Variants in IL4I1 observed in about 807,000 individuals in gnomAD.
The protein encoded by IL4I1 is L-amino-acid oxidase.
IL4I1 carries 24 observed loss-of-function variants against 29.7 expected under a neutral mutation model. The observed-to-expected ratio is 0.81, with a 90% CI of 0.59 to 1.14. The LOEUF (loss-of-function observed/expected upper bound fraction) is 1.14, where lower values mean the gene tolerates loss of function less well. Among genes scored for constraint, IL4I1 ranks in the 50% most tolerant of loss-of-function variants. IL4I1 has a pLI of 0.00. For synonymous variants in IL4I1, 371 were observed against 352.5 expected (o/e 1.05, Z -0.59); for missense variants, 686 against 785.6 (o/e 0.87, Z 1.52).
At chr19:49,910,762 T>C (rs889261686) in intron 2 of IL4I1, among the ~76,000 whole-genome samples, 2 of 152,060 alleles carry the variant, frequency 1.3e-5, no homozygotes, top group Non-Finnish European at 2.9e-5. Flanking sequence ...AGAAGACCCA[T>C]GGGCCACAGT....
At chr19:49,890,928 T>TGGGGGGGGGGGGGGGGGGG in intron 7 of IL4I1, 43 bp downstream of exon 7, 1 of 633,196 alleles carries the variant, frequency 1.6e-6, no homozygotes, top group Non-Finnish European at 2.4e-6. Context: ...TTTCCCTGAT[T>TGGGGGGGGGGGGGGGGGGG]GCCCCCCGCC....
chr19:49,901,673 C>T (rs753698377), upstream of IL4I1: 3 of 1,540,294 alleles, frequency 1.9e-6, no homozygotes, highest in South Asian at 3.7e-5. Context: ...TCTCAGCACC[C>T]ATGGCCTTTA....
At chr19:49,907,932 A>C in intron 2 of IL4I1, 1 of 500,084 alleles carries the variant, frequency 2.0e-6, no homozygotes. Flanking sequence ...GACCAAGACC[A>C]TCAGCACTTC....
rs1482872980 is a variant in IL4I1 at position 49,895,903 on chromosome 19, C to T, written c.164G>A (p.Arg55Gln). 6 of 1,614,064 alleles carry T rather than the reference C, an allele frequency of 3.7e-6. No homozygotes were observed. Among genetic ancestry groups the T allele is most frequent in the East Asian group, 4.5e-5 (2 of 44,902 alleles). The change falls in exon 3 of 8, where the codon CGG becomes CAG. Residue 55 changes from arginine (R) to glutamine (Q), a missense_variant. Transcript: ENST00000391826. ...AATCACCCTCTGGGGCTTCAGGGTCCGATTGAGCCCCCAGGTCACCACCTT... is the reference window on the plus strand; with the variant it reads ...AATCACCCTCTGGGGCTTCAGGGTCTGATTGAGCCCCCAGGTCACCACCTT... ...LLKVVTWGLN[R>Q]TLKPQRVIVV...
chr19:49,910,503 C>T (rs1480623149), intron 2 of IL4I1, among the ~76,000 whole-genome samples: 1 of 152,158 alleles, frequency 6.6e-6, no homozygotes, highest in Non-Finnish European at 1.5e-5. Context: ...GCACAGATGC[C>T]CCTGGCTGCA....
At chr19:49,922,949 C>G (rs2075799239) in intron 2 of IL4I1, among the ~76,000 whole-genome samples, 1 of 152,150 alleles carries the variant, frequency 6.6e-6, no homozygotes, top group East Asian at 1.9e-4. Context: ...ATGATTGTGC[C>G]CATTTTACTG....
At chr19:49,901,767 C>G, upstream of IL4I1, 1 of 1,375,974 alleles carries the variant, frequency 7.3e-7, no homozygotes, top group Non-Finnish European at 9.8e-7. Context: ...TAGTGGTGCC[C>G]TTGTTAGATC....
chr19:49,928,757 G>C (rs2075977711), intron 1 of IL4I1: 1 of 152,268 alleles, frequency 6.6e-6, no homozygotes. Context: ...GTTTCTCAGA[G>C]TCAGCAGCTG....
upstream of IL4I1, among the ~76,000 whole-genome samples, chr19:49,901,338 C>T (rs1169768256): frequency 2.0e-5 from 3 of 152,298 alleles, no homozygotes; most frequent in African/African-American, 2.4e-5. Context: ...GAGCCGAGAC[C>T]GCGCCATTCC....
At chr19:49,900,737 A>G (rs1332858395), upstream of IL4I1, among the ~76,000 whole-genome samples, 1 of 151,912 alleles carries the variant, frequency 6.6e-6, no homozygotes, top group Non-Finnish European at 1.5e-5. Flanking sequence ...GGAGGGGAGG[A>G]AAGGCCCAGT....
At chr19:49,894,200 C>G in intron 5 of IL4I1, 68 bp downstream of exon 5, 2 of 1,483,294 alleles carry the variant, frequency 1.3e-6, no homozygotes, top group Admixed American at 1.9e-5. Context: ...GAAGAAAAGC[C>G]GGGCCGGGGC....
chr19:49,907,561 G>C (rs2075351535), intron 2 of IL4I1: 3 of 379,492 alleles, frequency 7.9e-6, no homozygotes, highest in Non-Finnish European at 4.9e-6. Flanking sequence ...TTTTTTTTGA[G>C]ACAGAGTCTC....
intron 3 of IL4I1, among the ~76,000 whole-genome samples, chr19:49,903,580 G>T (rs1382960490): frequency 6.6e-6 from 1 of 152,202 alleles, no homozygotes; most frequent in African/African-American, 2.4e-5. Flanking sequence ...CCGCTGCCCT[G>T]AGTCTGAGGG....
At chr19:49,909,370 G>A in intron 2 of IL4I1, 2 of 1,613,590 alleles carry the variant, frequency 1.2e-6, no homozygotes, top group Non-Finnish European at 1.7e-6. Context: ...CCACAGAGGT[G>A]GTGGAGGGGC....
intron 2 of IL4I1, among the ~76,000 whole-genome samples, chr19:49,916,321 A>G (rs1394852844): frequency 6.6e-6 from 1 of 151,052 alleles, no homozygotes; most frequent in Middle Eastern, 3.2e-3. Context: ...CAGGAGTTCG[A>G]GACTAGCCTG....
chr19:49,908,715 G>C (rs1275430263), intron 2 of IL4I1: 5 of 1,612,820 alleles, frequency 3.1e-6, no homozygotes, highest in Non-Finnish European at 4.2e-6. Context: ...TTCTCGATCA[G>C]CGTGCGGTCC....
At position 49,925,203 on chromosome 19, in the gene IL4I1, G is replaced by T. The variant is rs554622650; in HGVS notation, c.-228+2491C>A. On this transcript the variant is annotated intron_variant, in intron 2 of 9. Transcript: ENST00000341114. ...TTGAACCCAGGAGGCAGAGGTTGCG[G>T]TGAGCCGAGATGGCACCATTGCACT... Among the ~76,000 whole-genome samples, 155 of 152,258 alleles carry T rather than the reference G, an allele frequency of 1.0e-3. 2 individuals carry two copies. The highest frequency in any genetic ancestry group is 3.6e-3 in the African/African-American group (151 of 41,542).
chr19:49,889,685 C>T lies in IL4I1; in HGVS notation c.1689G>A (p.Thr563=), dbSNP rs2075101678. Residue 563 remains threonine (T), a synonymous_variant, in exon 8 of 8, where the codon ACG becomes ACA. Transcript: ENST00000391826. ...CGAAAATACTTTAATGCGAGGTCCT[C>T]GTGTGGGTCGTGTTTTGGAGAGATA... ...GQLSLQNTTH[T]RTSH 2 of 1,500,512 alleles carry T rather than the reference C, an allele frequency of 1.3e-6. No individual in the cohort carries two copies. Among genetic ancestry groups the T allele is most frequent in the Non-Finnish European group, 1.8e-6 (2 of 1,123,676 alleles). The allele number at this position is 1,500,512 out of a possible 1,614,324, so 92.9% of individuals were successfully genotyped here. A position where few individuals can be genotyped will look rare whatever the true frequency, so the allele number is the denominator to read the frequency against.
intron 2 of IL4I1, among the ~76,000 whole-genome samples, chr19:49,905,706 C>A (rs1015558753): frequency 3.3e-4 from 50 of 152,178 alleles, no homozygotes; most frequent in Admixed American, 2.9e-3. Flanking sequence ...AAGCGATTCT[C>A]CTGCCACAGC....
Sources: gnomAD v4.1 joint callset for allele counts (sites outside exome capture counted in the v4.1 genomes callset) on GRCh38, gnomAD v4.1.1 for gene constraint, MANE v1.5 for transcripts, NCBI Gene and HGNC (gene_info 2026-07-23, HGNC 2026-07-21) for gene names.